The following ARHGAP10 variants were observed in gnomAD, a reference collection of about 807,000 sequenced individuals.
ARHGAP10 encodes Rho GTPase activating protein 10.
A neutral mutation model predicts 108.6 loss-of-function variants in ARHGAP10; 87 were observed. The observed-to-expected ratio is 0.80, with a 90% CI of 0.67 to 0.96. The LOEUF is 0.96. Among genes scored for constraint, ARHGAP10 ranks in the 40% least tolerant of loss-of-function variants. The pLI is 0.00. For missense variants in ARHGAP10, 939 were observed against 954.5 expected (o/e 0.98, Z 0.21); for synonymous variants, 347 against 341.1 (o/e 1.02, Z -0.19).
At chr4:147,781,298 T>C (rs1296528509) in intron 1 of ARHGAP10, among the ~76,000 whole-genome samples, 1 of 152,114 alleles carries the variant, frequency 6.6e-6, no homozygotes, top group African/African-American at 2.4e-5. Context: ...GAGCTAAGAT[T>C]GTGCCAGAAA....
chr4:147,914,556 T>TCCCCC (rs33937677), intron 13 of ARHGAP10, among the ~76,000 whole-genome samples: 1 of 120,122 alleles, frequency 8.3e-6, no homozygotes, highest in African/African-American at 3.2e-5. Flanking sequence ...TGTTCTGCGC[T>TCCCCC]CCCCCCCCCC....
At chr4:148,062,866 T>G (rs1267531612) in intron 20 of ARHGAP10, among the ~76,000 whole-genome samples, 3 of 152,206 alleles carry the variant, frequency 2.0e-5, no homozygotes, top group African/African-American at 7.2e-5. Flanking sequence ...AGATTCTGGT[T>G]TTCTAATTAG....
intron 4 of ARHGAP10, among the ~76,000 whole-genome samples, chr4:147,848,716 G>A (rs1175361136): frequency 6.6e-6 from 1 of 152,190 alleles, no homozygotes; most frequent in Non-Finnish European, 1.5e-5. Context: ...TTGAGTGCGA[G>A]TGAATATATT....
chr4:147,797,670 C>T (rs1380264287), intron 1 of ARHGAP10, among the ~76,000 whole-genome samples: 1 of 152,184 alleles, frequency 6.6e-6, no homozygotes, highest in Admixed American at 6.5e-5. Context: ...CTCAGCCTCC[C>T]AGAGTGCTGG....
chr4:147,940,236 G>T (rs1738121815), intron 14 of ARHGAP10, among the ~76,000 whole-genome samples: 1 of 152,172 alleles, frequency 6.6e-6, no homozygotes, highest in Admixed American at 6.5e-5. Flanking sequence ...AGTACATTTG[G>T]TTGGACAAGA....
At chr4:147,741,794 A>ACACGCACG (rs1553944881) in intron 1 of ARHGAP10, among the ~76,000 whole-genome samples, 1 of 25,310 alleles carries the variant, frequency 4.0e-5, no homozygotes, top group Non-Finnish European at 1.2e-4. Context: ...ACACACACGC[A>ACACGCACG]CACACACACA....
At chr4:147,960,964 T>C (rs1440447463) in intron 16 of ARHGAP10, among the ~76,000 whole-genome samples, 1 of 152,208 alleles carries the variant, frequency 6.6e-6, no homozygotes, top group South Asian at 2.1e-4. Context: ...TTAATGGACA[T>C]TTGGGTTGTT....
At chr4:147,945,711 A>G (rs944235339) in intron 14 of ARHGAP10, among the ~76,000 whole-genome samples, 4 of 152,160 alleles carry the variant, frequency 2.6e-5, no homozygotes, top group African/African-American at 4.8e-5. Context: ...TTGGCCATTC[A>G]TGGTGCCACC....
At chr4:147,886,779 T>G (rs1204121900) in intron 10 of ARHGAP10, among the ~76,000 whole-genome samples, 1 of 152,190 alleles carries the variant, frequency 6.6e-6, no homozygotes, top group Admixed American at 6.5e-5. Context: ...TTTTTCTTTT[T>G]CTTTTCTTTG....
chr4:147,912,587 A>C (rs1388047836), intron 12 of ARHGAP10, among the ~76,000 whole-genome samples: 6 of 128,044 alleles, frequency 4.7e-5, no homozygotes, highest in Non-Finnish European at 7.7e-5. Flanking sequence ...ATATATATAT[A>C]TATATATATA....
chr4:147,888,892 G>A (rs545601934), intron 10 of ARHGAP10, among the ~76,000 whole-genome samples: 62 of 152,286 alleles, frequency 4.1e-4, no homozygotes, highest in South Asian at 2.1e-3. Flanking sequence ...AATGAGATAG[G>A]CTCTTCTCTT....
intron 1 of ARHGAP10, among the ~76,000 whole-genome samples, chr4:147,794,441 G>T (rs537955940): frequency 4.5e-4 from 68 of 152,144 alleles, no homozygotes; most frequent in Non-Finnish European, 8.8e-4. Flanking sequence ...ACATATATAT[G>T]TGCACTTTTA....
At chr4:147,905,497 C>T (rs1015602262) in intron 10 of ARHGAP10, among the ~76,000 whole-genome samples, 7 of 123,446 alleles carry the variant, frequency 5.7e-5, no homozygotes, top group African/African-American at 2.0e-4. Context: ...GGAATCCTTT[C>T]CCCATTGCTT....
intron 1 of ARHGAP10, among the ~76,000 whole-genome samples, chr4:147,761,879 G>C (rs1281188201): frequency 6.6e-6 from 1 of 151,356 alleles, no homozygotes; most frequent in African/African-American, 2.5e-5. Context: ...GTAGCCACTT[G>C]CTTTGGACTT....
intron 19 of ARHGAP10, among the ~76,000 whole-genome samples, chr4:148,043,892 C>T (rs1728764571): frequency 6.6e-6 from 1 of 151,076 alleles, no homozygotes; most frequent in Non-Finnish European, 1.5e-5. Flanking sequence ...TTTTGGTTAA[C>T]TAAAGTTTCA....
At chr4:147,987,457 T>A (rs972592562) in intron 18 of ARHGAP10, among the ~76,000 whole-genome samples, 1 of 152,228 alleles carries the variant, frequency 6.6e-6, no homozygotes, top group Admixed American at 6.5e-5. Context: ...CAGTCTGTAG[T>A]GCCCTGTAGT....
At chr4:148,022,166 CATGTGCAGAACGTGCAGGTTCTGGGATAG>C (rs1183922180) in intron 18 of ARHGAP10, among the ~76,000 whole-genome samples, 2 of 152,130 alleles carry the variant, frequency 1.3e-5, no homozygotes, top group African/African-American at 2.4e-5. Context: ...TTAAATTATA[CATGTGCAGAACGTGCAGGTTCTGGGATAG>C]ATGTGCAGAA....
chr4:147,782,899 G>A (rs1016735908), intron 1 of ARHGAP10, among the ~76,000 whole-genome samples: 14 of 133,592 alleles, frequency 1.0e-4, no homozygotes, highest in East Asian at 4.2e-4. Flanking sequence ...CATATATTAC[G>A]TATTATATAT....
chr4:148,027,681 T>G (rs1246806533), intron 19 of ARHGAP10, among the ~76,000 whole-genome samples: 1 of 152,144 alleles, frequency 6.6e-6, no homozygotes, highest in African/African-American at 2.4e-5. Flanking sequence ...TAATATCAAA[T>G]TAGAACTTTG....
Sources: gnomAD v4.1 joint callset for allele counts (sites outside exome capture counted in the v4.1 genomes callset) on GRCh38, gnomAD v4.1.1 for gene constraint, MANE v1.5 for transcripts, NCBI Gene and HGNC (gene_info 2026-07-23, HGNC 2026-07-21) for gene names.